SLC39A6: variants seen among roughly 807,000 people sequenced by gnomAD.
The protein encoded by SLC39A6 is solute carrier family 39 member 6.
In SLC39A6, 51 loss-of-function variants were observed where a neutral mutation model predicts 63.5. The observed-to-expected ratio is 0.80, with a 90% confidence interval of 0.64 to 1.01. The LOEUF (loss-of-function observed/expected upper bound fraction) is 1.01, where lower values mean the gene tolerates loss of function less well. Among genes scored for constraint, SLC39A6 ranks in the 50% least tolerant of loss-of-function variants. SLC39A6 has a pLI of 0.00. For synonymous variants in SLC39A6, 318 were observed against 324.7 expected, an observed-to-expected ratio of 0.98 and a Z score of 0.22; for missense variants, 805 against 927.8, an observed-to-expected ratio of 0.87 and a Z score of 1.72.
At chr18:36,122,996 G>A (rs899275234) in intron 4 of SLC39A6, among the ~76,000 whole-genome samples, 3 of 152,250 alleles carry the variant, frequency 2.0e-5, no homozygotes, top group Admixed American at 2.0e-4. Context: ...AATGAAACAC[G>A]CATATTTTTT....
chr18:36,125,877 C>A (rs960119171), intron 2 of SLC39A6, among the ~76,000 whole-genome samples: 1 of 152,132 alleles, frequency 6.6e-6, no homozygotes, highest in Non-Finnish European at 1.5e-5. Context: ...CTGCTTTCAA[C>A]CCCTCATTTT....
intron 6 of SLC39A6, among the ~76,000 whole-genome samples, chr18:36,116,139 A>G (rs758634351): frequency 6.6e-6 from 1 of 152,232 alleles, no homozygotes; most frequent in Non-Finnish European, 1.5e-5. Flanking sequence ...CTATTAAGGC[A>G]TTTGGAAGAA....
Position 36,126,593 on chromosome 18 carries a change from T to C in SLC39A6, c.415A>G (p.Lys139Glu). Reference sequence around the variant, plus strand: ...GGGCAAAGAGCTTTTCGCTTATTTTTACCAGAAGCAGCATGATTATGGTGA... The same window carrying C: ...GGGCAAAGAGCTTTTCGCTTATTTTCACCAGAAGCAGCATGATTATGGTGA... ...HSHHNHAASGKNKRKALCPDH... is the reference protein window; with the variant it reads ...HSHHNHAASGENKRKALCPDH... Residue 139 changes from lysine to glutamate, a missense_variant, in exon 2 of 10, where the codon AAA becomes GAA. Around this residue, in one of 4 missense-constraint regions of SLC39A6, gnomAD observed 639 missense variants for 644.0 expected, o/e 0.99. Transcript: ENST00000269187. The C allele has an allele frequency of 6.2e-7, 1 of 1,614,206 alleles. No homozygotes were observed. The highest frequency in any genetic ancestry group is 8.5e-7 in the Non-Finnish European group (1 of 1,180,034).
intron 1 of SLC39A6, among the ~76,000 whole-genome samples, chr18:36,128,819 GCTT>G (rs2089481350): frequency 6.6e-6 from 1 of 152,194 alleles, no homozygotes; most frequent in African/African-American, 2.4e-5. Context: ...TCTTCTAAAA[GCTT>G]TTTATTTCTA....
In SLC39A6 at chr18:36,112,583, T is replaced by C; in HGVS notation, c.1844-2A>G. 6.2e-7 allele frequency: 1 copy of C among 1,611,366 alleles called. No individual in the cohort carries two copies. The highest frequency in any genetic ancestry group is 8.5e-7 in the Non-Finnish European group (1 of 1,178,016). ...ATAAGCCTTCAGTAAAAGCAGCACCTGTGTAAAAATCAATCAGAAAAAGTT... is the reference window on the plus strand; with the variant it reads ...ATAAGCCTTCAGTAAAAGCAGCACCCGTGTAAAAATCAATCAGAAAAAGTT... On this transcript the variant is annotated splice_acceptor_variant, in intron 7 of 9. Coordinates refer to ENST00000269187, the MANE Select transcript of SLC39A6 (RefSeq NM_012319.4). LOFTEE classifies it high-confidence loss of function.
intron 8 of SLC39A6, 43 bp from the exon 9 acceptor site, chr18:36,111,292 T>C (rs1164658468): frequency 1.9e-6 from 3 of 1,589,660 alleles, no homozygotes; most frequent in Admixed American, 1.8e-5. Flanking sequence ...CATTGAGAAA[T>C]CATTTTTAAG....
chr18:36,114,825 T>C (rs1644156836), intron 6 of SLC39A6, among the ~76,000 whole-genome samples: 1 of 152,208 alleles, frequency 6.6e-6, no homozygotes, highest in South Asian at 2.1e-4. Context: ...GTTATGTTAT[T>C]TAAAATATTT....
intron 2 of SLC39A6, 129 bp downstream of exon 2, chr18:36,126,090 G>A (rs2144512759): frequency 1.1e-6 from 1 of 923,166 alleles, no homozygotes; most frequent in East Asian, 2.4e-5. Context: ...TTGCTGAGAA[G>A]GTGGAAATTC....
chr18:36,120,845 G>C (rs2089387791), intron 5 of SLC39A6, among the ~76,000 whole-genome samples: 1 of 152,086 alleles, frequency 6.6e-6, no homozygotes, highest in Non-Finnish European at 1.5e-5. Context: ...AGATTCAAAG[G>C]CAAGGTGCTA....
chr18:36,127,042 C>A (rs2144514422), intron 1 of SLC39A6, 26 bp from the exon 2 acceptor site: 2 of 1,545,984 alleles, frequency 1.3e-6, no homozygotes, highest in African/African-American at 1.4e-5. Context: ...AAAAAAAATT[C>A]TTGACTCACT....
At chr18:36,113,630 T>C (rs1165301664) in intron 7 of SLC39A6, among the ~76,000 whole-genome samples, 2 of 152,232 alleles carry the variant, frequency 1.3e-5, no homozygotes, top group Admixed American at 6.5e-5. Context: ...AATTGTGGTA[T>C]AACAATTTAT....
chr18:36,128,953 T>C (rs2089484796), intron 1 of SLC39A6, 161 bp downstream of exon 1: 1 of 152,290 alleles, frequency 6.6e-6, no homozygotes, highest in Admixed American at 6.5e-5. Context: ...CTAGGGTGAG[T>C]GGGCGCCTGC....
intron 8 of SLC39A6, among the ~76,000 whole-genome samples, chr18:36,111,621 A>C (rs183401346): frequency 6.6e-6 from 1 of 151,874 alleles, no homozygotes; most frequent in East Asian, 1.9e-4. Flanking sequence ...GGTAGCTAGG[A>C]CTACAAGTGC....
rs76312885 is a variant in SLC39A6, at chr18:36,128,256, C to T, written c.-10+858G>A. 2.9e-3 allele frequency among the ~76,000 whole-genome samples: 447 copies of T among 152,280 alleles called. 6 individuals carry two copies. Among genetic ancestry groups the T allele is most frequent in the African/African-American group, 0.01 (433 of 41,538 alleles). On this transcript the variant is annotated intron_variant, in intron 1 of 9. Transcript: ENST00000269187. ...GGTGATGGTGGTCAAACTCACATCT[C>T]CAGCAAAAGACGCAGACGTCAAGTT...
intron 9 of SLC39A6, 58 bp from the exon 10 acceptor site, chr18:36,109,803 T>G (rs1017673640): frequency 1.4e-6 from 2 of 1,438,028 alleles, no homozygotes; most frequent in Non-Finnish European, 1.9e-6. Flanking sequence ...AACTACAGAT[T>G]AGTTTTTAGA....
At chr18:36,113,956 A>T (rs2089322341) in intron 7 of SLC39A6, 141 bp downstream of exon 7, 3 of 1,133,068 alleles carry the variant, frequency 2.6e-6, no homozygotes, top group Non-Finnish European at 3.6e-6. Flanking sequence ...AAAGTAGTAA[A>T]AGAAAAAGTA....
intron 7 of SLC39A6, 99 bp downstream of exon 7, chr18:36,113,998 C>G (rs2089322542): frequency 7.1e-7 from 1 of 1,401,386 alleles, no homozygotes; most frequent in South Asian, 1.5e-5. Context: ...TCACTAATAT[C>G]CTCATCTAAA....
Position 36,126,781 on chromosome 18 carries a change from C to G in SLC39A6, c.227G>C (p.Arg76Thr). The G allele has an allele frequency of 6.2e-7, 1 of 1,614,186 alleles. No homozygotes were observed. The highest frequency in any genetic ancestry group is 8.5e-7 in the Non-Finnish European group (1 of 1,180,038). The change falls in exon 2 of 10, where the codon AGA becomes ACA. Residue 76 changes from arginine (R) to threonine (T), a missense_variant. Arg to Thr is a moderately conservative substitution (Grantham distance 71). Transcript: ENST00000269187. ...ENNSLSVEGF[R>T]KLLQNIGIDK... ...TATGCCTATATTTTGAAGTAATTTTCTGAACCCTTCAACTGACAAAGAATT... is the reference window on the plus strand; with the variant it reads ...TATGCCTATATTTTGAAGTAATTTTGTGAACCCTTCAACTGACAAAGAATT...
chr18:36,122,127 T>G lies in SLC39A6; in HGVS notation c.1284A>C (p.Leu428=). 1 of 1,614,026 alleles carries G rather than the reference T, an allele frequency of 6.2e-7. No homozygotes were observed. The highest frequency in any genetic ancestry group is 8.5e-7 in the Non-Finnish European group (1 of 1,179,910). ...FDSTWKGLTA[L]GGLYFMFLVE... is the part of the protein sequence containing the mutation. Reference sequence around the variant, plus strand: ...CAAGAAACATGAAATACAGGCCTCCTAGAGCTGTTAGACCCTTCCACGTGG... The same window carrying G: ...CAAGAAACATGAAATACAGGCCTCCGAGAGCTGTTAGACCCTTCCACGTGG... The change falls in exon 5 of 10, where the codon CTA becomes CTC. Residue 428 remains leucine (L), a synonymous_variant. Transcript: ENST00000269187.
Sources: gnomAD v4.1 joint callset for allele counts (sites outside exome capture counted in the v4.1 genomes callset) on GRCh38, gnomAD v4.1.1 for gene constraint, gnomAD v4.1.1 regional missense constraint, MANE v1.5 for transcripts, NCBI Gene and HGNC (gene_info 2026-07-23, HGNC 2026-07-21) for gene names.